The following KPNA5 variants were observed in gnomAD, a reference collection of about 807,000 sequenced individuals.
KPNA5 encodes the protein importin subunit alpha-6.
In KPNA5, 46 loss-of-function variants were observed where a neutral mutation model predicts 71.3. That is an observed-to-expected ratio of 0.65 (90% CI 0.51 to 0.83). KPNA5 has a LOEUF of 0.83. Among genes scored for constraint, KPNA5 ranks in the 40% least tolerant of loss-of-function variants. The pLI is 0.00. For missense variants in KPNA5, 547 were observed against 628.3 expected, an observed-to-expected ratio of 0.87 and a Z score of 1.38; for synonymous variants, 207 against 201.4, an observed-to-expected ratio of 1.03 and a Z score of -0.24.
intron 7 of KPNA5, among the ~76,000 whole-genome samples, chr6:116,707,081 T>C (rs988297471): frequency 1.3e-5 from 2 of 152,042 alleles, no homozygotes; most frequent in Admixed American, 6.5e-5. Context: ...GGAGGATGGC[T>C]TGTACCCAGG....
At position 116,692,106 on chromosome 6, in the gene KPNA5, G is replaced by C; in HGVS notation, c.190G>C (p.Glu64Gln). Residue 64 changes from glutamate (E) to glutamine (Q), a missense_variant, in exon 3 of 14, where the codon GAA (glutamate) becomes CAA (glutamine). Transcript: ENST00000368564. ...YLPRNDESML[E>Q]SPIQDPDISS... ...GCCCAGAAATGATGAATCTATGCTT[G>C]AAAGTCCTATACAGGATCCAGATAT... is the stretch of plus-strand genomic sequence containing the variant. 1 of 1,613,014 alleles carries C rather than the reference G, an allele frequency of 6.2e-7. No homozygotes were observed. Among genetic ancestry groups the C allele is most frequent in the Non-Finnish European group, 8.5e-7 (1 of 1,179,284 alleles).
At position 116,733,426 on chromosome 6, in the gene KPNA5, A is replaced by AT. The variant is rs1288157298; in HGVS notation, c.*1104dup. 6.6e-6 allele frequency: 1 copy of AT among 151,650 alleles called. No individual in the cohort carries two copies. The highest frequency in any genetic ancestry group is 1.5e-5 in the Non-Finnish European group (1 of 67,696). The allele number at this position is 151,650 out of a possible 1,614,324, so 9.4% of individuals were successfully genotyped here. On this transcript the variant is annotated 3_prime_UTR_variant, in exon 14 of 14. Coordinates refer to ENST00000368564, the MANE Select transcript of KPNA5 (RefSeq NM_001366306.2). ...AGGTTCTTTAATATGGTTCAAATCTATAAGACTTTTTTCTTTTAGTAATAC... is the reference window on the plus strand; with the variant it reads ...AGGTTCTTTAATATGGTTCAAATCTATTAAGACTTTTTTCTTTTAGTAATAC...
intron 7 of KPNA5, among the ~76,000 whole-genome samples, chr6:116,714,723 A>G (rs142383969): frequency 8.1e-4 from 123 of 152,164 alleles, no homozygotes; most frequent in African/African-American, 2.8e-3. Flanking sequence ...TTGCCTTTTA[A>G]TGTTTTTGAG....
chr6:116,695,078 G>A (rs1463479931), intron 4 of KPNA5, among the ~76,000 whole-genome samples: 1 of 151,898 alleles, frequency 6.6e-6, no homozygotes, highest in Non-Finnish European at 1.5e-5. Flanking sequence ...AGCTTCCTGA[G>A]TAGCTAGGAC....
At chr6:116,723,024 G>C (rs997260258) in intron 9 of KPNA5, among the ~76,000 whole-genome samples, 2 of 152,178 alleles carry the variant, frequency 1.3e-5, no homozygotes, top group African/African-American at 4.8e-5. Flanking sequence ...TTCAGCATGG[G>C]GGATCAGGGC....
At chr6:116,717,058 A>G (rs992801408) in intron 8 of KPNA5, among the ~76,000 whole-genome samples, 12 of 152,244 alleles carry the variant, frequency 7.9e-5, no homozygotes, top group African/African-American at 2.6e-4. Context: ...TTTACTGCCT[A>G]TTCACGTTAA....
In KPNA5 at chr6:116,689,425, A is replaced by G; in HGVS notation, c.110A>G (p.Gln37Arg). 6.3e-7 allele frequency: 1 copy of G among 1,593,822 alleles called. No individual in the cohort carries two copies. Among genetic ancestry groups the G allele is most frequent in the South Asian group, 1.2e-5 (1 of 86,554 alleles). ...MRRRREEEGI[Q>R]LRKQKREEQL... Reference sequence around the variant, plus strand: ...AGACGAAGAGAAGAAGAAGGAATACAGCTTAGAAAACAAAAAAGAGAAGAA... The same window carrying G: ...AGACGAAGAGAAGAAGAAGGAATACGGCTTAGAAAACAAAAAAGAGAAGAA... Residue 37 changes from glutamine (Q) to arginine (R), a missense_variant, in exon 2 of 14, where the codon CAG (glutamine) becomes CGG (arginine). Gln to Arg is a conservative substitution (Grantham distance 43). Transcript: ENST00000368564.
At chr6:116,715,948 A>G (rs1211449587) in intron 7 of KPNA5, among the ~76,000 whole-genome samples, 1 of 151,878 alleles carries the variant, frequency 6.6e-6, no homozygotes, top group Non-Finnish European at 1.5e-5. Flanking sequence ...TTAATCTAGT[A>G]TTCTTTTTAA....
At chr6:116,690,621 C>A (rs372471293) in intron 2 of KPNA5, among the ~76,000 whole-genome samples, 1 of 137,064 alleles carries the variant, frequency 7.3e-6, no homozygotes, top group South Asian at 2.3e-4. Flanking sequence ...CCAGCCTGGG[C>A]GACAGAGTAA....
In KPNA5 at chr6:116,688,532, A is replaced by G. The variant is rs905010405; in HGVS notation, c.5-788A>G. ...AATATTCCTATAAGATAATATCAAG[A>G]TATCAATACTGTTACATTGTTAAAG... On this transcript the variant is annotated intron_variant, in intron 1 of 13. Coordinates refer to ENST00000368564, the MANE Select transcript of KPNA5 (RefSeq NM_001366306.2). Among the ~76,000 whole-genome samples, 3 of 152,146 alleles carry G rather than the reference A, an allele frequency of 2.0e-5. No homozygotes were observed. The East Asian group carries it at 5.8e-4, about 29-fold the overall frequency.
chr6:116,725,632 TCTC>T lies in KPNA5; in HGVS notation c.1000-116_1000-114del. On this transcript the variant is annotated intron_variant, in intron 10 of 13. Transcript: ENST00000368564. The stretch of plus-strand genomic sequence containing the variant: ...AGCAAGTTTTACTTTGGGAGGAATT[TCTC>T]CTTTCTTAATTTCACTTTCTAGAAT... 7.7e-6 allele frequency: 7 copies of T among 912,244 alleles called. No individual in the cohort carries two copies. The South Asian group carries it at 1.2e-4, about 16-fold the overall frequency. 56.5% of individuals were successfully genotyped at this position (912,244 alleles called of 1,614,324 possible).
intron 8 of KPNA5, among the ~76,000 whole-genome samples, chr6:116,720,830 C>CAA: frequency 6.6e-6 from 1 of 152,106 alleles, no homozygotes; most frequent in Non-Finnish European, 1.5e-5. Flanking sequence ...AAAAACAAAA[C>CAA]AAAACAAAAA....
In KPNA5 at chr6:116,689,334, C is replaced by A; in HGVS notation, c.19C>A (p.Pro7Thr). 6.2e-7 allele frequency: 1 copy of A among 1,601,834 alleles called. No homozygotes were observed. Among genetic ancestry groups the A allele is most frequent in the Non-Finnish European group, 8.5e-7 (1 of 1,176,560 alleles). The change falls in exon 2 of 14, where the codon CCA becomes ACA. Residue 7 changes from proline to threonine, a missense_variant. Physicochemically the swap from Pro to Thr is conservative, Grantham distance 38. Transcript: ENST00000368564. MDAMAS[P>T]GKDNYRMKSY... Reference sequence around the variant, plus strand: ...CTTCCTTTAAGATGCCATGGCTAGTCCAGGGAAAGATAACTATAGAATGAA... The same window carrying A: ...CTTCCTTTAAGATGCCATGGCTAGTACAGGGAAAGATAACTATAGAATGAA...
At chr6:116,696,243 A>C (rs1369447494) in intron 4 of KPNA5, among the ~76,000 whole-genome samples, 2 of 152,138 alleles carry the variant, frequency 1.3e-5, no homozygotes, top group African/African-American at 4.8e-5. Context: ...TACAGCAAGG[A>C]GTTAATAGAT....
intron 5 of KPNA5, among the ~76,000 whole-genome samples, chr6:116,700,691 C>A (rs560981387): frequency 6.6e-6 from 1 of 151,964 alleles, no homozygotes; most frequent in African/African-American, 2.4e-5. Context: ...TGTTTTAAAG[C>A]GTGAATTAGA....
At chr6:116,695,124 G>C (rs11969763) in intron 4 of KPNA5, among the ~76,000 whole-genome samples, 6,465 of 151,948 alleles carry the variant, frequency 0.043, 421 homozygotes, top group African/African-American at 0.14. Context: ...CTAATTTTTA[G>C]TAGAGTCAGG....
At chr6:116,687,218 T>A (rs1166672179) in intron 1 of KPNA5, among the ~76,000 whole-genome samples, 3 of 152,218 alleles carry the variant, frequency 2.0e-5, no homozygotes, top group Non-Finnish European at 4.4e-5. Context: ...AGCAGCGTTT[T>A]GTAATTCTCA....
At chr6:116,707,017 A>G (rs1470297466) in intron 7 of KPNA5, among the ~76,000 whole-genome samples, 1 of 151,828 alleles carries the variant, frequency 6.6e-6, no homozygotes, top group East Asian at 2.0e-4. Context: ...ACAAAAAATT[A>G]GCCAGGCGTG....
rs537985413 is a variant in KPNA5 at position 116,692,538 on chromosome 6, T to C, written c.340+146T>C. On this transcript the variant is annotated intron_variant, in intron 4 of 13. Transcript: ENST00000368564. ...CTGCAAAATATATTGTAAAGTAACATCCGTTTTTGAACATGATGTTACCAA... is the reference window on the plus strand; with the variant it reads ...CTGCAAAATATATTGTAAAGTAACACCCGTTTTTGAACATGATGTTACCAA... 6.9e-6 allele frequency: 4 copies of C among 581,864 alleles called. No individual in the cohort carries two copies. In the South Asian group the frequency reaches 7.2e-5, roughly 11 times the overall value. 36.0% of individuals were successfully genotyped at this position (581,864 alleles called of 1,614,324 possible). A position where few individuals can be genotyped will look rare whatever the true frequency, so the allele number is the denominator to read the frequency against.
Sources: gnomAD v4.1 joint callset for allele counts (sites outside exome capture counted in the v4.1 genomes callset) on GRCh38, gnomAD v4.1.1 for gene constraint, MANE v1.5 for transcripts, NCBI Gene and HGNC (gene_info 2026-07-23, HGNC 2026-07-21) for gene names.